CRTAC1: variants seen among roughly 807,000 people sequenced by gnomAD.
CRTAC1 encodes the protein acidic secreted protein in cartilage.
In CRTAC1, 37 loss-of-function variants were observed where a neutral mutation model predicts 67.8. The observed-to-expected ratio is 0.55, with a 90% confidence interval of 0.42 to 0.72. CRTAC1 has a LOEUF of 0.72. Ranked by LOEUF, CRTAC1 falls within the 30% of genes least tolerant of loss-of-function variation. The pLI, the probability that CRTAC1 is intolerant of heterozygous loss-of-function variation, is 0.00. For missense variants in CRTAC1, 780 were observed against 931.6 expected, an observed-to-expected ratio of 0.84 and a Z score of 2.12; for synonymous variants, 348 against 371.0, an observed-to-expected ratio of 0.94 and a Z score of 0.71.
At chr10:97,884,514 C>A in intron 11 of CRTAC1, 163 bp from the exon 12 acceptor site, 1 of 666,524 alleles carries the variant, frequency 1.5e-6, no homozygotes, top group East Asian at 2.7e-5. Flanking sequence ...TCCCTCCTCT[C>A]TGGAGCAATG....
intron 3 of CRTAC1, among the ~76,000 whole-genome samples, chr10:97,934,609 G>A (rs145010432): frequency 4.3e-4 from 66 of 152,286 alleles, no homozygotes; most frequent in African/African-American, 1.5e-3. Context: ...GTGGCTCAGG[G>A]GAAAGCCAGT....
intron 11 of CRTAC1, among the ~76,000 whole-genome samples, chr10:97,893,829 G>A (rs74964090): frequency 0.018 from 2,783 of 152,128 alleles, 82 homozygotes; most frequent in African/African-American, 0.06. Flanking sequence ...AGAATGTTAT[G>A]TAAACAAAAA....
At chr10:97,896,866 G>T in intron 9 of CRTAC1, 43 bp downstream of exon 9, 2 of 961,530 alleles carry the variant, frequency 2.1e-6, no homozygotes, top group Non-Finnish European at 3.2e-6. Context: ...TATGAACAGT[G>T]CTAAGGGGGC....
intron 2 of CRTAC1, among the ~76,000 whole-genome samples, chr10:97,955,225 T>C (rs952869400): frequency 6.6e-6 from 1 of 152,222 alleles, no homozygotes; most frequent in Non-Finnish European, 1.5e-5. Context: ...CTGTGTCCTA[T>C]GGAGTCCAAG....
intron 14 of CRTAC1, 178 bp from the exon 15 acceptor site, chr10:97,865,892 G>T (rs556639649): frequency 7.7e-6 from 7 of 907,354 alleles, no homozygotes; most frequent in Admixed American, 3.0e-5. Flanking sequence ...CCTCACCCCC[G>T]TCTGGATCAG....
rs550523205 is a variant in CRTAC1, at chr10:98,027,787, G to C, written c.24+2662C>G. ...GTATTAATTTACCAAAGCCTGGTCA[G>C]TCAATAACTATGAGTGCCTACTGTA... is the stretch of plus-strand genomic sequence containing the variant. On this transcript the variant is annotated intron_variant, in intron 1 of 14. Transcript: ENST00000370597. 3.3e-5 allele frequency among the ~76,000 whole-genome samples: 5 copies of C among 152,348 alleles called. No individual in the cohort carries two copies. The South Asian group carries it at 1.0e-3, about 32-fold the overall frequency.
intron 2 of CRTAC1, among the ~76,000 whole-genome samples, chr10:97,945,725 A>T (rs1030645130): frequency 6.6e-6 from 1 of 152,240 alleles, no homozygotes; most frequent in African/African-American, 2.4e-5. Context: ...GCCAGAGTGG[A>T]GAAGACTCCA....
At chr10:98,027,853 G>A (rs1018193617) in intron 1 of CRTAC1, among the ~76,000 whole-genome samples, 6 of 152,214 alleles carry the variant, frequency 3.9e-5, no homozygotes, top group African/African-American at 1.2e-4. Flanking sequence ...GAGGAAGCAG[G>A]CCGCTGGAGT....
intron 2 of CRTAC1, among the ~76,000 whole-genome samples, chr10:97,943,880 T>C (rs2051217411): frequency 6.6e-6 from 1 of 152,256 alleles, no homozygotes; most frequent in Admixed American, 6.5e-5. Flanking sequence ...CTGAAAAAGA[T>C]TGCCAATCCC....
At position 97,895,387 on chromosome 10, in the gene CRTAC1, C is replaced by A; in HGVS notation, c.1344G>T (p.Val448=). The A allele has an allele frequency of 6.2e-7, 1 of 1,609,336 alleles. No individual in the cohort carries two copies. Reference sequence around the variant, plus strand: ...AGGCCCCAAACCGGGTGCGTGGCACCACTCGCAGCCAGTTGTTGTTGAAGC... The same window carrying A: ...AGGCCCCAAACCGGGTGCGTGGCACAACTCGCAGCCAGTTGTTGTTGAAGC... ...NQGFNNNWLR[V]VPRTRFGAFA... Residue 448 remains valine (V), a synonymous_variant, in exon 11 of 15, where the codon GTG becomes GTT. Transcript: ENST00000370597. This position sits in a 1 kb window ranked among gnomAD's most constrained non-coding sequence, Gnocchi z 4.2.
At chr10:97,950,244 C>CAGAGAGAGAGAG (rs1291012749) in intron 2 of CRTAC1, among the ~76,000 whole-genome samples, 34 of 112,170 alleles carry the variant, frequency 3.0e-4, no homozygotes, top group African/African-American at 1.3e-3. Flanking sequence ...CACACACACA[C>CAGAGAGAGAGAG]ACAGAGAGAG....
At chr10:98,006,349 A>C (rs901400149) in intron 2 of CRTAC1, among the ~76,000 whole-genome samples, 1 of 152,168 alleles carries the variant, frequency 6.6e-6, no homozygotes, top group African/African-American at 2.4e-5. Context: ...CCCTCACCCC[A>C]CAGGGAGCAG....
At chr10:97,968,806 A>C (rs907786480) in intron 2 of CRTAC1, among the ~76,000 whole-genome samples, 1 of 152,200 alleles carries the variant, frequency 6.6e-6, no homozygotes, top group Non-Finnish European at 1.5e-5. Context: ...TTGCGGAAGG[A>C]ATAGAGATGA....
rs557132044 is a variant in CRTAC1 at position 97,911,116 on chromosome 10, T to G, written c.716-2969A>C. On this transcript the variant is annotated intron_variant, in intron 5 of 14. Coordinates refer to ENST00000370597, the MANE Select transcript of CRTAC1 (RefSeq NM_018058.7). ...CTAAGTGGTTGCTGGCAGCTGTCCC[T>G]GCCCTGGTCTTACCAGCTTCTCTGA... Among the ~76,000 whole-genome samples, 14 of 152,310 alleles carry G rather than the reference T, an allele frequency of 9.2e-5. 1 individual carries two copies. The South Asian group carries it at 2.7e-3, about 29-fold the overall frequency.
chr10:97,918,144 G>T (rs948918365), intron 4 of CRTAC1, among the ~76,000 whole-genome samples: 2 of 151,962 alleles, frequency 1.3e-5, no homozygotes, highest in Non-Finnish European at 2.9e-5. Context: ...TTCCCACCCC[G>T]CGCTTCTTCA....
At chr10:97,925,083 T>C (rs931842586) in intron 3 of CRTAC1, among the ~76,000 whole-genome samples, 3 of 151,958 alleles carry the variant, frequency 2.0e-5, no homozygotes, top group Non-Finnish European at 2.9e-5. Context: ...CCAGGCAACA[T>C]AGCAAGACCC....
Position 98,002,761 on chromosome 10 carries a change from C to CTTTTTTT in CRTAC1, c.224+8370_224+8376dup, listed in dbSNP as rs531021933. ...TTTTAGGAATTCTTTACAAAACTCA[C>CTTTTTTT]TTTTTTTTTTTTTTTTTTTTTTTTT... On this transcript the variant is annotated intron_variant, in intron 2 of 14. Transcript: ENST00000370597. Among the ~76,000 whole-genome samples the CTTTTTTT allele has an allele frequency of 8.0e-4, 30 of 37,296 alleles. 11 individuals are homozygous for CTTTTTTT. Among genetic ancestry groups the CTTTTTTT allele is most frequent in the East Asian group, 1.5e-3 (2 of 1,330 alleles). The allele number at this position is 37,296 out of a possible 152,430, so 24.5% of individuals were successfully genotyped here.
Position 97,880,307 on chromosome 10 carries a change from C to T in CRTAC1, c.1761G>A (p.Arg587=). 2 of 1,614,212 alleles carry T rather than the reference C, an allele frequency of 1.2e-6. No homozygotes were observed. The highest frequency in any genetic ancestry group is 1.1e-5 in the South Asian group (1 of 91,076). The stretch of plus-strand genomic sequence containing the variant: ...AGCCCCGACTGCACTTCTTGTTGGT[C>T]CGGCACCTGTAGCTTCCATAGGTGT... ...CVNTYGSYRC[R]TNKKCSRGYE... Residue 587 remains arginine, a synonymous_variant, in exon 14 of 15, where the codon CGG becomes CGA. Transcript: ENST00000370597.
chr10:97,933,553 G>A (rs912306485), intron 3 of CRTAC1, among the ~76,000 whole-genome samples: 4 of 152,228 alleles, frequency 2.6e-5, no homozygotes, highest in Non-Finnish European at 4.4e-5. Context: ...CAACATGAAC[G>A]TACAAGGCTT....
Sources: gnomAD v4.1 joint callset for allele counts (sites outside exome capture counted in the v4.1 genomes callset) on GRCh38, gnomAD v4.1.1 for gene constraint, Gnocchi (gnomAD v3.1) non-coding constraint, MANE v1.5 for transcripts, NCBI Gene and HGNC (gene_info 2026-07-23, HGNC 2026-07-21) for gene names.